Variants in MTA3 observed in about 807,000 individuals in gnomAD.
The protein encoded by MTA3 is metastasis associated 1 family member 3, also known as metastasis-associated protein MTA3.
Under a neutral mutation model 83.5 loss-of-function variants are expected in MTA3, and 34 were observed. That is an observed-to-expected ratio of 0.41 (90% CI 0.31 to 0.54). The LOEUF is 0.54. MTA3 is among the 20% of genes least tolerant of loss of function. The pLI is 0.33. For missense variants in MTA3, 761 were observed against 726.4 expected, an observed-to-expected ratio of 1.05 and a Z score of -0.55; for synonymous variants, 303 against 252.7, an observed-to-expected ratio of 1.20 and a Z score of -1.89.
chr2:42,508,315 A>G (rs928507834), intron 2 of MTA3, among the ~76,000 whole-genome samples: 1 of 152,088 alleles, frequency 6.6e-6, no homozygotes, highest in Non-Finnish European at 1.5e-5. Context: ...AGTGAACCCT[A>G]TATATGAACT....
chr2:42,723,544 T>C (rs1281311856), intron 16 of MTA3, among the ~76,000 whole-genome samples: 2 of 152,190 alleles, frequency 1.3e-5, no homozygotes, highest in African/African-American at 4.8e-5. Context: ...ACAGAAATAA[T>C]AATTTGCTTG....
intron 2 of MTA3, among the ~76,000 whole-genome samples, chr2:42,519,649 T>C (rs528378719): frequency 6.7e-6 from 1 of 150,038 alleles, no homozygotes; most frequent in Non-Finnish European, 1.5e-5. Context: ...GTGGAACGCA[T>C]CTTAGTCCCA....
chr2:42,610,242 A>G (rs1344101336), intron 4 of MTA3, among the ~76,000 whole-genome samples: 1 of 152,246 alleles, frequency 6.6e-6, no homozygotes, highest in Non-Finnish European at 1.5e-5. Flanking sequence ...TAAGAAAATT[A>G]TATAGCCATT....
intron 16 of MTA3, among the ~76,000 whole-genome samples, chr2:42,741,928 C>A (rs1669066542): frequency 6.6e-6 from 1 of 152,112 alleles, no homozygotes; most frequent in South Asian, 2.1e-4. Flanking sequence ...TTGTTTAATG[C>A]AGAGTTGCCA....
intron 6 of MTA3, 64 bp downstream of exon 6, chr2:42,644,308 G>GAGGACATGTATATT: frequency 9.4e-7 from 1 of 1,062,886 alleles, no homozygotes; most frequent in Non-Finnish European, 1.4e-6. Context: ...AAATATACAT[G>GAGGACATGTATATT]TCCTCATGTA....
chr2:42,733,421 C>T (rs937052858), intron 16 of MTA3, among the ~76,000 whole-genome samples: 1 of 152,208 alleles, frequency 6.6e-6, no homozygotes, highest in Non-Finnish European at 1.5e-5. Context: ...CCTACCACAA[C>T]ATGTGGGAAT....
intron 8 of MTA3, 87 bp from the exon 9 acceptor site, chr2:42,682,314 C>A: frequency 1.1e-6 from 1 of 903,938 alleles, no homozygotes; most frequent in Non-Finnish European, 1.6e-6. Flanking sequence ...TAATTAAGTA[C>A]ATCATATATT....
chr2:42,585,280 G>A (rs562749153), intron 3 of MTA3, among the ~76,000 whole-genome samples: 1 of 151,728 alleles, frequency 6.6e-6, no homozygotes, highest in Admixed American at 6.6e-5. Context: ...TAGAGACGGG[G>A]TTTCTCCATG....
intron 2 of MTA3, among the ~76,000 whole-genome samples, chr2:42,574,793 C>G (rs1330586715): frequency 6.6e-6 from 1 of 152,142 alleles, no homozygotes; most frequent in African/African-American, 2.4e-5. Context: ...CTCCTGGCCT[C>G]AAGCAGTCCC....
intron 2 of MTA3, among the ~76,000 whole-genome samples, chr2:42,521,751 CT>C (rs35664371): frequency 0.26 from 27,841 of 105,640 alleles, 1,999 homozygotes; most frequent in Middle Eastern, 0.41. Flanking sequence ...ATCTTTCTCT[CT>C]TTTTTTTTTT....
chr2:42,508,520 A>G (rs1674743559), intron 2 of MTA3, among the ~76,000 whole-genome samples: 1 of 150,942 alleles, frequency 6.6e-6, no homozygotes, highest in African/African-American at 2.4e-5. Context: ...TTGTGTAGAG[A>G]TGGGGTCTCA....
chr2:42,651,672 C>T (rs2104344464), intron 6 of MTA3, among the ~76,000 whole-genome samples: 1 of 151,960 alleles, frequency 6.6e-6, no homozygotes, highest in East Asian at 1.9e-4. Context: ...TGGTGCGTGC[C>T]TGTAGGCCCA....
chr2:42,677,542 C>T (rs1168389582), intron 8 of MTA3, among the ~76,000 whole-genome samples: 6 of 151,834 alleles, frequency 4.0e-5, no homozygotes, highest in East Asian at 1.9e-4. Context: ...GGGTTTTCGC[C>T]GTGTTGTCCA....
chr2:42,754,609 A>T lies in MTA3; in HGVS notation c.*1210A>T. The T allele has an allele frequency of 1.0e-6, 1 of 985,474 alleles. No individual in the cohort carries two copies. Among genetic ancestry groups the T allele is most frequent in the Non-Finnish European group, 1.2e-6 (1 of 829,968 alleles). The allele number at this position is 985,474 out of a possible 1,614,324, so 61.0% of individuals were successfully genotyped here. A position where few individuals can be genotyped will look rare whatever the true frequency, so the allele number is the denominator to read the frequency against. ...CTCCCTGAGCAGATGTGAGGCTGGC[A>T]ACTCCCCTGCCCTCTGTTTGCAGGC... On this transcript the variant is annotated 3_prime_UTR_variant, in exon 17 of 17. Transcript: ENST00000405094.
intron 2 of MTA3, among the ~76,000 whole-genome samples, chr2:42,524,995 A>C (rs1429082822): frequency 6.1e-5 from 9 of 148,022 alleles, no homozygotes; most frequent in Admixed American, 1.4e-4. Context: ...TTTAGGGTAC[A>C]TGTGCACAAC....
intron 2 of MTA3, among the ~76,000 whole-genome samples, chr2:42,578,188 C>T (rs965480171): frequency 5.3e-5 from 8 of 152,226 alleles, no homozygotes; most frequent in African/African-American, 1.9e-4. Context: ...TGTTCTCACA[C>T]TTGTTTGAAA....
intron 3 of MTA3, among the ~76,000 whole-genome samples, chr2:42,602,975 A>G (rs1260476461): frequency 6.6e-6 from 1 of 152,094 alleles, no homozygotes; most frequent in Non-Finnish European, 1.5e-5. Context: ...ATGCTGTGTA[A>G]TTTTATAGTA....
intron 4 of MTA3, chr2:42,613,532 CCTTAT>C (rs1040739867): frequency 2.6e-5 from 4 of 152,148 alleles, no homozygotes; most frequent in Admixed American, 6.6e-5. Context: ...TGAAGTCATG[CCTTAT>C]CTTTTTGGCT....
intron 8 of MTA3, 32 bp from the exon 9 acceptor site, chr2:42,682,369 G>A (rs374145696): frequency 5.2e-5 from 77 of 1,492,112 alleles, no homozygotes; most frequent in Non-Finnish European, 6.5e-5. Flanking sequence ...TGCATTTCTG[G>A]TTGATATTTT....
Sources: gnomAD v4.1 joint callset for allele counts (sites outside exome capture counted in the v4.1 genomes callset) on GRCh38, gnomAD v4.1.1 for gene constraint, MANE v1.5 for transcripts, NCBI Gene and HGNC (gene_info 2026-07-23, HGNC 2026-07-21) for gene names.